The following LARGE1 variants were observed in gnomAD, a reference collection of about 807,000 sequenced individuals.
The protein encoded by LARGE1 is xylosyl- and glucuronyltransferase LARGE1.
In LARGE1, 43 loss-of-function variants were observed where a neutral mutation model predicts 87.6. The observed-to-expected ratio is 0.49, with a 90% CI of 0.38 to 0.63. LARGE1 has a LOEUF of 0.63. LARGE1 is among the 30% of genes least tolerant of loss of function. The pLI, the probability that LARGE1 is intolerant of heterozygous loss-of-function variation, is 0.00. For missense variants in LARGE1, 802 were observed against 1,000.2 expected, an observed-to-expected ratio of 0.80 and a Z score of 2.67; for synonymous variants, 434 against 394.6, an observed-to-expected ratio of 1.10 and a Z score of -1.18.
At position 33,460,562 on chromosome 22, in the gene LARGE1, T is replaced by C. The variant is rs150060298; in HGVS notation, c.788-28297A>G. Among the ~76,000 whole-genome samples the C allele has an allele frequency of 4.3e-3, 655 of 152,220 alleles. 8 individuals are homozygous for C. The highest frequency in any genetic ancestry group is 0.014 in the African/African-American group (597 of 41,526). On this transcript the variant is annotated intron_variant, in intron 6 of 14. Coordinates refer to ENST00000397394, the MANE Select transcript of LARGE1 (RefSeq NM_133642.5). Reference sequence around the variant, plus strand: ...AGAAATAGATGAGTAGGCAAGAACATAAGGCAGATCTTGAGTCAATAATGG... The same window carrying C: ...AGAAATAGATGAGTAGGCAAGAACACAAGGCAGATCTTGAGTCAATAATGG...
chr22:33,573,664 C>T (rs1341077297), intron 5 of LARGE1, among the ~76,000 whole-genome samples: 1 of 152,160 alleles, frequency 6.6e-6, no homozygotes, highest in African/African-American at 2.4e-5. Context: ...CATGACTGCA[C>T]AAGTTACCTC....
chr22:33,191,689 G>A (rs1294885285), intron 11 of LARGE1, among the ~76,000 whole-genome samples: 1 of 152,210 alleles, frequency 6.6e-6, no homozygotes, highest in African/African-American at 2.4e-5. Flanking sequence ...AACTCTGTGA[G>A]TGCCACAACA....
chr22:33,761,107 G>A (rs774877903), intron 2 of LARGE1, among the ~76,000 whole-genome samples: 16 of 151,930 alleles, frequency 1.1e-4, no homozygotes, highest in Admixed American at 2.0e-4. Flanking sequence ...TCCCATTATC[G>A]ACAAAGTAAT....
chr22:33,432,577 A>ATTCG, intron 6 of LARGE1, among the ~76,000 whole-genome samples: 1 of 138,950 alleles, frequency 7.2e-6, no homozygotes, highest in Non-Finnish European at 1.5e-5. Context: ...TCATTCATTC[A>ATTCG]TTCATTCATT....
At chr22:33,667,150 TAC>T (rs1391582037) in intron 2 of LARGE1, among the ~76,000 whole-genome samples, 1 of 152,236 alleles carries the variant, frequency 6.6e-6, no homozygotes, top group Non-Finnish European at 1.5e-5. Flanking sequence ...CCCTCGCATA[TAC>T]ACACACCTGG....
chr22:33,194,976 TA>T (rs1241338402), intron 11 of LARGE1, among the ~76,000 whole-genome samples: 1 of 152,190 alleles, frequency 6.6e-6, no homozygotes. Flanking sequence ...GTCAACACCC[TA>T]AAGTTGCCCA....
chr22:33,370,696 T>C (rs993575719), intron 9 of LARGE1, among the ~76,000 whole-genome samples: 1 of 151,788 alleles, frequency 6.6e-6, no homozygotes, highest in African/African-American at 2.4e-5. Context: ...TTATATAATA[T>C]GTTATGTTGT....
the LARGE1 span, among the ~76,000 whole-genome samples, chr22:33,096,560 GTTTTTGT>G: frequency 2.8e-4 from 36 of 127,530 alleles, no homozygotes; most frequent in South Asian, 5.1e-3. Context: ...GTTTGTTTTT[GTTTTTGT>G]TTTTTTTTTT....
chr22:33,758,394 A>G (rs144481856), intron 2 of LARGE1, among the ~76,000 whole-genome samples: 275 of 152,324 alleles, frequency 1.8e-3, no homozygotes, highest in African/African-American at 6.3e-3. Context: ...GGCAGCCCGA[A>G]TGCACACTAA....
At chr22:33,696,561 A>G (rs1022793178) in intron 2 of LARGE1, among the ~76,000 whole-genome samples, 2 of 152,130 alleles carry the variant, frequency 1.3e-5, no homozygotes, top group Non-Finnish European at 2.9e-5. Context: ...TCAGTTTTAT[A>G]GGAAATCAGC....
chr22:33,432,632 G>A (rs986035795), intron 6 of LARGE1, among the ~76,000 whole-genome samples: 5 of 151,116 alleles, frequency 3.3e-5, no homozygotes, highest in African/African-American at 4.9e-5. Flanking sequence ...CTAACTCATG[G>A]AGCACATATT....
intron 1 of LARGE1, among the ~76,000 whole-genome samples, chr22:33,884,233 C>T (rs190138746): frequency 2.0e-5 from 3 of 152,192 alleles, no homozygotes; most frequent in African/African-American, 4.8e-5. Flanking sequence ...CCTCTGTGTA[C>T]GAATCATTAC....
chr22:33,906,702 C>T (rs77662615), intron 1 of LARGE1, among the ~76,000 whole-genome samples: 129 of 152,196 alleles, frequency 8.5e-4, no homozygotes, highest in African/African-American at 3.0e-3. Context: ...GAAAAACTGC[C>T]TCAGGTGATT....
chr22:33,131,284 T>C, the LARGE1 span, among the ~76,000 whole-genome samples: 1 of 152,160 alleles, frequency 6.6e-6, no homozygotes, highest in Non-Finnish European at 1.5e-5. Flanking sequence ...TCCCTCTCTG[T>C]CCCTGAGTCT....
the LARGE1 span, among the ~76,000 whole-genome samples, chr22:33,094,047 C>T: frequency 9.9e-5 from 15 of 151,768 alleles, no homozygotes; most frequent in Admixed American, 6.6e-4. Flanking sequence ...CCACCTTGCC[C>T]GGCTATTCTA....
intron 3 of LARGE1, among the ~76,000 whole-genome samples, chr22:33,626,867 G>C (rs11913899): frequency 0.048 from 7,281 of 152,260 alleles, 578 homozygotes; most frequent in African/African-American, 0.16. Context: ...GGGAACCCAA[G>C]GGGTCATCTC....
At chr22:33,129,571 A>T in the LARGE1 span, among the ~76,000 whole-genome samples, 1 of 152,220 alleles carries the variant, frequency 6.6e-6, no homozygotes, top group Non-Finnish European at 1.5e-5. Flanking sequence ...AAAAAAATAA[A>T]AGTCATCGGT....
chr22:33,463,168 CTAGTAAA>C (rs2068448322), intron 6 of LARGE1, among the ~76,000 whole-genome samples: 1 of 151,248 alleles, frequency 6.6e-6, no homozygotes, highest in South Asian at 2.1e-4. Context: ...TGGCCGCAAT[CTAGTAAA>C]TAGACCCTTA....
chr22:33,711,186 G>A (rs1218869731), intron 2 of LARGE1, among the ~76,000 whole-genome samples: 1 of 152,148 alleles, frequency 6.6e-6, no homozygotes, highest in African/African-American at 2.4e-5. Context: ...AGAGAGAAGA[G>A]CCCTGCTAAG....
Sources: allele counts gnomAD v4.1 joint callset (sites outside exome capture counted in the v4.1 genomes callset), GRCh38; gene constraint gnomAD v4.1.1; transcripts MANE v1.5; gene names NCBI Gene and HGNC (gene_info 2026-07-23, HGNC 2026-07-21).